The following LUZP2 variants were observed in gnomAD, a reference collection of about 807,000 sequenced individuals.
LUZP2 encodes leucine zipper protein 2.
LUZP2 carries 52 observed loss-of-function variants against 51.6 expected under a neutral mutation model. The ratio of observed to expected loss-of-function variants is 1.01; its 90% CI spans 0.81 to 1.27. LUZP2 has a LOEUF of 1.27. Among genes scored for constraint, LUZP2 ranks in the 50% most tolerant of loss-of-function variants. The pLI is 0.00. For synonymous variants in LUZP2, 154 were observed against 137.3 expected (o/e 1.12, Z -0.85); for missense variants, 436 against 395.4 (o/e 1.10, Z -0.87).
chr11:24,936,528 A>G (rs1001077908), intron 7 of LUZP2, among the ~76,000 whole-genome samples: 2 of 127,482 alleles, frequency 1.6e-5, no homozygotes, highest in Non-Finnish European at 3.2e-5. Context: ...AGGTTCACAA[A>G]AGAGTAAGGC....
chr11:24,667,901 T>G (rs10834417), intron 1 of LUZP2, among the ~76,000 whole-genome samples: 1 of 151,936 alleles, frequency 6.6e-6, no homozygotes, highest in African/African-American at 2.4e-5. Context: ...AATGCAAACA[T>G]TGAAAGAATG....
chr11:25,065,620 T>C (rs1001794900), intron 10 of LUZP2, among the ~76,000 whole-genome samples: 23 of 152,060 alleles, frequency 1.5e-4, no homozygotes, highest in African/African-American at 5.5e-4. Flanking sequence ...AAATCTCTTA[T>C]GTGAACAGCA....
chr11:24,946,328 A>G (rs1378322077), intron 7 of LUZP2, among the ~76,000 whole-genome samples: 41 of 151,930 alleles, frequency 2.7e-4, no homozygotes, highest in Non-Finnish European at 2.9e-5. Context: ...TAGCCCATTC[A>G]TATTTGATGC....
chr11:24,989,350 A>G (rs1053077749), intron 9 of LUZP2, among the ~76,000 whole-genome samples: 1 of 152,028 alleles, frequency 6.6e-6, no homozygotes, highest in African/African-American at 2.4e-5. Flanking sequence ...GGTGGAACAA[A>G]TCTCACATTC....
At chr11:24,725,119 C>A (rs1858424633) in intron 1 of LUZP2, among the ~76,000 whole-genome samples, 2 of 152,056 alleles carry the variant, frequency 1.3e-5, no homozygotes, top group South Asian at 4.1e-4. Flanking sequence ...TTCTAAAATT[C>A]ATTCAGAAGA....
chr11:24,726,586 T>A (rs1242874534), intron 1 of LUZP2, among the ~76,000 whole-genome samples: 1 of 152,086 alleles, frequency 6.6e-6, no homozygotes, highest in Non-Finnish European at 1.5e-5. Context: ...TTTTAGAAAC[T>A]TATATCACAG....
At chr11:25,050,679 TATG>T (rs1164373508) in intron 10 of LUZP2, among the ~76,000 whole-genome samples, 1 of 152,106 alleles carries the variant, frequency 6.6e-6, no homozygotes, top group Admixed American at 6.6e-5. Flanking sequence ...CAACTGTGAA[TATG>T]AGTTTTTAGA....
chr11:24,535,724 A>ACTT (rs34510777), intron 1 of LUZP2, among the ~76,000 whole-genome samples: 150,415 of 151,452 alleles, frequency 0.99, 74,696 homozygotes, highest in Non-Finnish European at 1. Context: ...GTTGGAATAA[A>ACTT]CTCCCAAACT....
At chr11:24,932,218 G>T (rs1854475847) in intron 7 of LUZP2, among the ~76,000 whole-genome samples, 1 of 152,134 alleles carries the variant, frequency 6.6e-6, no homozygotes. Flanking sequence ...TATTACACTG[G>T]TTTTGTGTTG....
intron 1 of LUZP2, among the ~76,000 whole-genome samples, chr11:24,648,301 C>A (rs564101388): frequency 2.3e-4 from 35 of 151,826 alleles, no homozygotes; most frequent in Non-Finnish European, 4.6e-4. Context: ...TCTGCCTTGA[C>A]TGCAAATTGT....
chr11:24,662,101 A>G (rs1856042524), intron 1 of LUZP2, among the ~76,000 whole-genome samples: 1 of 152,110 alleles, frequency 6.6e-6, no homozygotes, highest in Non-Finnish European at 1.5e-5. Flanking sequence ...ATCACCAACA[A>G]TTTCTGGGAA....
chr11:24,545,555 C>T (rs1164504714), intron 1 of LUZP2, among the ~76,000 whole-genome samples: 28 of 120,748 alleles, frequency 2.3e-4, no homozygotes, highest in East Asian at 4.8e-4. Context: ...TTGTTGCTTG[C>T]TTTTTTTTTT....
intron 1 of LUZP2, among the ~76,000 whole-genome samples, chr11:24,642,404 A>G (rs1003519792): frequency 1.3e-5 from 2 of 151,672 alleles, no homozygotes; most frequent in African/African-American, 4.9e-5. Context: ...CCATTGTAGT[A>G]TCATACTTAA....
intron 7 of LUZP2, among the ~76,000 whole-genome samples, chr11:24,958,320 A>G (rs1027225310): frequency 8.5e-5 from 13 of 152,222 alleles, no homozygotes; most frequent in South Asian, 2.1e-4. Flanking sequence ...TCCCTGAGGA[A>G]TTGTCACACT....
At chr11:24,745,966 C>T (rs1366598476) in intron 4 of LUZP2, among the ~76,000 whole-genome samples, 1 of 152,154 alleles carries the variant, frequency 6.6e-6, no homozygotes, top group Non-Finnish European at 1.5e-5. Context: ...GCATGAGCTA[C>T]TGTGCCCAGT....
chr11:24,593,540 G>A (rs1277656617), intron 1 of LUZP2, among the ~76,000 whole-genome samples: 5 of 152,106 alleles, frequency 3.3e-5, no homozygotes, highest in African/African-American at 7.2e-5. Context: ...TGGGGTGACC[G>A]ATTTGTCTTG....
At chr11:24,954,212 G>GA (rs34983230) in intron 7 of LUZP2, among the ~76,000 whole-genome samples, 6 of 150,438 alleles carry the variant, frequency 4.0e-5, no homozygotes, top group Non-Finnish European at 8.9e-5. Flanking sequence ...TTCCTCCAAG[G>GA]AAAAAAAAGG....
At chr11:24,741,985 A>G (rs1218563049) in intron 4 of LUZP2, among the ~76,000 whole-genome samples, 1 of 132,044 alleles carries the variant, frequency 7.6e-6, no homozygotes, top group Non-Finnish European at 1.6e-5. Flanking sequence ...TTTATATATT[A>G]TATATAAATG....
intron 1 of LUZP2, among the ~76,000 whole-genome samples, chr11:24,713,507 A>G (rs16925339): frequency 0.024 from 3,572 of 151,946 alleles, 131 homozygotes; most frequent in African/African-American, 0.078. Flanking sequence ...TATGGGTCCA[A>G]CCATCCAAAG....
Sources: gnomAD v4.1 joint callset for allele counts (sites outside exome capture counted in the v4.1 genomes callset) on GRCh38, gnomAD v4.1.1 for gene constraint, MANE v1.5 for transcripts, NCBI Gene and HGNC (gene_info 2026-07-23, HGNC 2026-07-21) for gene names.